The following LHFPL3 variants were observed in gnomAD, a reference collection of about 807,000 sequenced individuals.
LHFPL3 encodes the protein LHFPL tetraspan subfamily member 3 protein.
Under a neutral mutation model 19.3 loss-of-function variants are expected in LHFPL3, and 5 were observed. The observed-to-expected ratio is 0.26, with a 90% CI of 0.14 to 0.54. LHFPL3 has a LOEUF of 0.54. LHFPL3 is among the 20% of genes least tolerant of loss of function. The pLI is 0.94. For missense variants in LHFPL3, 249 were observed against 307.4 expected, an observed-to-expected ratio of 0.81 and a Z score of 1.42; for synonymous variants, 133 against 126.2, an observed-to-expected ratio of 1.05 and a Z score of -0.36.
chr7:104,591,849 C>T (rs1184896774), intron 1 of LHFPL3, among the ~76,000 whole-genome samples: 1 of 152,190 alleles, frequency 6.6e-6, no homozygotes, highest in African/African-American at 2.4e-5. Context: ...TCTCTTCTCA[C>T]TTCATTTCAT....
At chr7:104,447,099 G>A (rs73712132) in intron 1 of LHFPL3, among the ~76,000 whole-genome samples, 1,720 of 152,274 alleles carry the variant, frequency 0.011, 25 homozygotes, top group African/African-American at 0.039. Flanking sequence ...TTGCATTTGA[G>A]TATTAGCTGC....
At chr7:104,559,126 T>G (rs1236626639) in intron 1 of LHFPL3, among the ~76,000 whole-genome samples, 10 of 144,892 alleles carry the variant, frequency 6.9e-5, no homozygotes, top group Non-Finnish European at 1.4e-4. Context: ...TGCCTCCAGC[T>G]TTGTTCTTTT....
intron 2 of LHFPL3, among the ~76,000 whole-genome samples, chr7:104,802,008 CTA>C (rs1790258519): frequency 6.6e-6 from 1 of 152,100 alleles, no homozygotes; most frequent in South Asian, 2.1e-4. Flanking sequence ...GTTTTTGACA[CTA>C]TTGCACAAAA....
intron 2 of LHFPL3, among the ~76,000 whole-genome samples, chr7:104,808,065 G>A (rs1466692633): frequency 6.6e-6 from 1 of 152,168 alleles, no homozygotes; most frequent in African/African-American, 2.4e-5. Context: ...CATTACAGCC[G>A]TGCCTGGGAT....
intron 2 of LHFPL3, among the ~76,000 whole-genome samples, chr7:104,789,839 T>A (rs1033039782): frequency 1.3e-5 from 2 of 152,144 alleles, no homozygotes; most frequent in African/African-American, 4.8e-5. Context: ...CCCACACACA[T>A]CTTAATGAAG....
chr7:104,739,958 C>T (rs1793901734), intron 2 of LHFPL3, among the ~76,000 whole-genome samples: 1 of 152,128 alleles, frequency 6.6e-6, no homozygotes, highest in Admixed American at 6.5e-5. Context: ...AAATTGTAAT[C>T]CAAATTATAA....
At chr7:104,503,261 T>C (rs374166256) in intron 1 of LHFPL3, among the ~76,000 whole-genome samples, 13 of 152,290 alleles carry the variant, frequency 8.5e-5, no homozygotes, top group African/African-American at 2.6e-4. Flanking sequence ...GAATGAACAA[T>C]GCTATCCCAT....
chr7:104,563,585 C>T (rs1584404640), intron 1 of LHFPL3, among the ~76,000 whole-genome samples: 1 of 152,402 alleles, frequency 6.6e-6, no homozygotes, highest in East Asian at 1.9e-4. Flanking sequence ...CACTGTCTGG[C>T]ACTCCCTAGT....
chr7:104,406,977 C>T (rs1287005758), intron 1 of LHFPL3, among the ~76,000 whole-genome samples: 1 of 152,178 alleles, frequency 6.6e-6, no homozygotes, highest in Non-Finnish European at 1.5e-5. Flanking sequence ...AGTTAGATCC[C>T]TGCTTGTCCA....
intron 1 of LHFPL3, among the ~76,000 whole-genome samples, chr7:104,424,632 A>G (rs545710426): frequency 3.9e-4 from 59 of 152,316 alleles, no homozygotes; most frequent in Non-Finnish European, 7.1e-4. Flanking sequence ...AGGCTACTCC[A>G]GTGGGTAGAA....
rs71153196 is a variant in LHFPL3, at chr7:104,424,983, T to TAAAAAAAAAAAAAAAAA, written c.445+95765_445+95781dup. Among the ~76,000 whole-genome samples the TAAAAAAAAAAAAAAAAA allele has an allele frequency of 1.4e-4, 9 of 65,152 alleles. No homozygotes were observed. The East Asian group carries it at 2.6e-3, about 19-fold the overall frequency. The allele number at this position is 65,152 out of a possible 152,430, so 42.7% of individuals were successfully genotyped here. A position where few individuals can be genotyped will look rare whatever the true frequency, so the allele number is the denominator to read the frequency against. ...GGCGACAGAGTGAGACTCCATCTCA[T>TAAAAAAAAAAAAAAAAA]AAAAAAAAAAAAAAAAAAAAAAGAA... On this transcript the variant is annotated intron_variant, in intron 1 of 2. Coordinates refer to ENST00000424859, the MANE Select transcript of LHFPL3 (RefSeq NM_199000.3).
intron 1 of LHFPL3, among the ~76,000 whole-genome samples, chr7:104,605,726 G>A (rs1791083218): frequency 6.6e-6 from 1 of 151,998 alleles, no homozygotes; most frequent in African/African-American, 2.4e-5. Context: ...TCAGTTTACA[G>A]ATAACTTTCA....
chr7:104,549,204 G>A (rs983025621), intron 1 of LHFPL3, among the ~76,000 whole-genome samples: 5 of 152,056 alleles, frequency 3.3e-5, no homozygotes, highest in African/African-American at 1.2e-4. Flanking sequence ...GAGGGCTGCT[G>A]AAGATTCCAG....
intron 1 of LHFPL3, among the ~76,000 whole-genome samples, chr7:104,495,951 C>T (rs1793464829): frequency 6.6e-6 from 1 of 152,138 alleles, no homozygotes; most frequent in Admixed American, 6.5e-5. Flanking sequence ...GATCACACAG[C>T]TAGTAAATAG....
At chr7:104,559,308 A>G (rs1183351027) in intron 1 of LHFPL3, among the ~76,000 whole-genome samples, 1 of 148,616 alleles carries the variant, frequency 6.7e-6, no homozygotes, top group Non-Finnish European at 1.5e-5. Flanking sequence ...CTTCCTACCC[A>G]TGAGCATGGA....
At chr7:104,558,154 T>C (rs2115934093) in intron 1 of LHFPL3, among the ~76,000 whole-genome samples, 1 of 151,508 alleles carries the variant, frequency 6.6e-6, no homozygotes, top group Non-Finnish European at 1.5e-5. Flanking sequence ...TGCATGTGTC[T>C]TTATAGCAGC....
rs77213062 is a variant in LHFPL3 at position 104,606,435 on chromosome 7, A to G, written c.446-130240A>G. Among the ~76,000 whole-genome samples the G allele has an allele frequency of 4.2e-3, 635 of 152,366 alleles. 35 individuals carry two copies. In the East Asian group the frequency reaches 0.1, roughly 24 times the overall value. ...AGCTGACAGAGGTCTGGGGCTGACT[A>G]GTATTTGAAATGCTCTGTCTTTTGT... is the stretch of plus-strand genomic sequence containing the variant. On this transcript the variant is annotated intron_variant, in intron 1 of 2. Transcript: ENST00000424859.
At chr7:104,773,836 C>CCAGCCT (rs1247395544) in intron 2 of LHFPL3, among the ~76,000 whole-genome samples, 2 of 151,018 alleles carry the variant, frequency 1.3e-5, no homozygotes, top group African/African-American at 4.9e-5. Flanking sequence ...GACAGATGTT[C>CCAGCCT]CCTTGCAGCC....
At chr7:104,654,269 A>G (rs1792085190) in intron 1 of LHFPL3, among the ~76,000 whole-genome samples, 2 of 152,224 alleles carry the variant, frequency 1.3e-5, no homozygotes, top group South Asian at 4.1e-4. Flanking sequence ...AGGGCCGACC[A>G]GCAGAATTTG....
Sources: gnomAD v4.1 joint callset for allele counts (sites outside exome capture counted in the v4.1 genomes callset) on GRCh38, gnomAD v4.1.1 for gene constraint, MANE v1.5 for transcripts, NCBI Gene and HGNC (gene_info 2026-07-23, HGNC 2026-07-21) for gene names.